SPRR2G: variants seen among roughly 807,000 people sequenced by gnomAD.
SPRR2G encodes the protein small proline rich protein 2G.
A neutral mutation model predicts 0.7 loss-of-function variants in SPRR2G; 1 was observed. The observed-to-expected ratio is 1.49, with a 90% confidence interval of 0.53 to 7.06. The LOEUF is 7.06. SPRR2G is among the 30% of genes most tolerant of loss of function. The pLI, the probability that SPRR2G is intolerant of heterozygous loss-of-function variation, is 0.14. For missense variants in SPRR2G, 96 were observed against 88.5 expected, an observed-to-expected ratio of 1.09 and a Z score of -0.34; for synonymous variants, 38 against 33.9, an observed-to-expected ratio of 1.12 and a Z score of -0.42.
At chr1:153,154,962 A>G (rs1656552129), upstream of SPRR2G, among the ~76,000 whole-genome samples, 1 of 152,066 alleles carries the variant, frequency 6.6e-6, no homozygotes, top group Non-Finnish European at 1.5e-5. Flanking sequence ...CAATCATTCC[A>G]TCTTTCTCTA....
the SPRR2G span, among the ~76,000 whole-genome samples, chr1:153,192,993 C>G: frequency 6.6e-6 from 1 of 152,138 alleles, no homozygotes; most frequent in Non-Finnish European, 1.5e-5. Flanking sequence ...GAGGCACACA[C>G]TAGGACTAGG....
the SPRR2G span, among the ~76,000 whole-genome samples, chr1:153,182,032 CCCA>C: frequency 6.6e-6 from 1 of 152,024 alleles, no homozygotes; most frequent in African/African-American, 2.4e-5. Flanking sequence ...AATTTGCATA[CCCA>C]CCAATGGTGT....
chr1:153,153,623 G>A (rs933609121), upstream of SPRR2G, among the ~76,000 whole-genome samples: 7 of 152,036 alleles, frequency 4.6e-5, no homozygotes, highest in African/African-American at 1.7e-4. Flanking sequence ...ATGAAGAAAC[G>A]AAGGAAGGTA....
At chr1:153,161,089 T>C in the SPRR2G span, among the ~76,000 whole-genome samples, 1 of 113,704 alleles carries the variant, frequency 8.8e-6, no homozygotes. Flanking sequence ...CCGGGCCTGT[T>C]GTGGGGTGGG....
chr1:153,173,034 T>A, the SPRR2G span, among the ~76,000 whole-genome samples: 1 of 152,212 alleles, frequency 6.6e-6, no homozygotes, highest in Admixed American at 6.5e-5. Context: ...AATAAAGTCA[T>A]GGAGATACTG....
the SPRR2G span, among the ~76,000 whole-genome samples, chr1:153,197,116 T>G: frequency 6.7e-5 from 10 of 149,900 alleles, no homozygotes; most frequent in Admixed American, 6.7e-4. Context: ...CTGAAGTGGG[T>G]CTCACCAGGC....
the SPRR2G span, among the ~76,000 whole-genome samples, chr1:153,180,329 C>G: frequency 6.6e-6 from 1 of 152,124 alleles, no homozygotes; most frequent in Non-Finnish European, 1.5e-5. Flanking sequence ...ATTTGTTCTT[C>G]ATGTTCTGAA....
At chr1:153,180,985 T>C in the SPRR2G span, among the ~76,000 whole-genome samples, 2 of 152,118 alleles carry the variant, frequency 1.3e-5, no homozygotes, top group African/African-American at 4.8e-5. Flanking sequence ...TTTGTTGATC[T>C]GTGAGTAGGA....
At chr1:153,180,182 C>T in the SPRR2G span, among the ~76,000 whole-genome samples, 4 of 152,132 alleles carry the variant, frequency 2.6e-5, no homozygotes, top group Non-Finnish European at 5.9e-5. Flanking sequence ...AACAACCATG[C>T]AACCAATGCA....
At chr1:153,199,844 A>G in the SPRR2G span, among the ~76,000 whole-genome samples, 5 of 152,226 alleles carry the variant, frequency 3.3e-5, no homozygotes, top group Non-Finnish European at 7.3e-5. Context: ...GGGAAGAGCC[A>G]GCCCCACAGA....
upstream of SPRR2G, among the ~76,000 whole-genome samples, chr1:153,152,029 A>G (rs1656480998): frequency 6.6e-6 from 1 of 152,242 alleles, no homozygotes; most frequent in Non-Finnish European, 1.5e-5. Context: ...TCCTTGAAAC[A>G]CAGTTTACAC....
chr1:153,157,551 T>C, the SPRR2G span, among the ~76,000 whole-genome samples: 2 of 152,158 alleles, frequency 1.3e-5, no homozygotes, highest in African/African-American at 4.8e-5. Context: ...TCTAGACATA[T>C]GCATATACCC....
At chr1:153,153,307 G>A (rs756654938), upstream of SPRR2G, among the ~76,000 whole-genome samples, 52 of 150,660 alleles carry the variant, frequency 3.5e-4, no homozygotes, top group Middle Eastern at 3.2e-3. Context: ...AAATCTGTGA[G>A]TAAATACTAT....
the SPRR2G span, among the ~76,000 whole-genome samples, chr1:153,178,040 G>A: frequency 6.6e-6 from 1 of 152,044 alleles, no homozygotes; most frequent in Non-Finnish European, 1.5e-5. Context: ...TTTCAGTGTA[G>A]CAGACTTACA....
chr1:153,167,656 G>A, the SPRR2G span, among the ~76,000 whole-genome samples: 2 of 152,084 alleles, frequency 1.3e-5, no homozygotes, highest in Non-Finnish European at 2.9e-5. Flanking sequence ...GATGCTGAAT[G>A]TACAATGGAG....
At chr1:153,192,587 G>A in the SPRR2G span, among the ~76,000 whole-genome samples, 1 of 152,074 alleles carries the variant, frequency 6.6e-6, no homozygotes, top group African/African-American at 2.4e-5. Context: ...TAGGTTCCTG[G>A]GTCCCTTCAC....
chr1:153,172,693 C>G, the SPRR2G span, among the ~76,000 whole-genome samples: 13 of 152,232 alleles, frequency 8.5e-5, no homozygotes, highest in African/African-American at 2.2e-4. Context: ...TGGGGCAAAC[C>G]CTTTTGTTTT....
chr1:153,172,829 C>T, the SPRR2G span, among the ~76,000 whole-genome samples: 1 of 152,110 alleles, frequency 6.6e-6, no homozygotes, highest in African/African-American at 2.4e-5. Flanking sequence ...GAGAAGAGTT[C>T]CATTAGGGCT....
the SPRR2G span, among the ~76,000 whole-genome samples, chr1:153,202,656 A>C: frequency 6.6e-6 from 1 of 152,196 alleles, no homozygotes; most frequent in Non-Finnish European, 1.5e-5. Flanking sequence ...TAATTTCTTT[A>C]AAACAGTCTC....
Sources: allele counts gnomAD v4.1 joint callset (sites outside exome capture counted in the v4.1 genomes callset), GRCh38; gene constraint gnomAD v4.1.1; transcripts MANE v1.5; gene names NCBI Gene and HGNC (gene_info 2026-07-23, HGNC 2026-07-21).